Variants in PIBF1 observed in about 807,000 individuals in gnomAD.
PIBF1 encodes the protein progesterone immunomodulatory binding factor 1.
A neutral mutation model predicts 112.5 loss-of-function variants in PIBF1; 90 were observed. The ratio of observed to expected loss-of-function variants is 0.80; its 90% confidence interval spans 0.67 to 0.95. The LOEUF is 0.95. PIBF1 is among the 40% of genes least tolerant of loss of function. The probability of loss-of-function intolerance (pLI) is 0.00; values close to 1 mark genes in which losing one functional copy is unlikely to be tolerated. For synonymous variants in PIBF1, 301 were observed against 288.6 expected (o/e 1.04, Z -0.44); for missense variants, 915 against 852.3 (o/e 1.07, Z -0.92).
At chr13:72,891,727 A>G (rs1177979961) in intron 10 of PIBF1, among the ~76,000 whole-genome samples, 1 of 152,140 alleles carries the variant, frequency 6.6e-6, no homozygotes, top group Non-Finnish European at 1.5e-5. Flanking sequence ...AGAGAAATGA[A>G]TTCATGTTTA....
At chr13:72,892,664 G>A (rs1342455107) in intron 10 of PIBF1, among the ~76,000 whole-genome samples, 5 of 151,874 alleles carry the variant, frequency 3.3e-5, no homozygotes, top group Non-Finnish European at 5.9e-5. Context: ...TAGTAGATCC[G>A]TTATAAGAAT....
At chr13:72,991,242 G>A (rs2043468542) in intron 16 of PIBF1, among the ~76,000 whole-genome samples, 1 of 152,050 alleles carries the variant, frequency 6.6e-6, no homozygotes, top group Non-Finnish European at 1.5e-5. Flanking sequence ...GGATTCAAAA[G>A]AACAGTTTAT....
At chr13:72,808,941 A>T (rs1439139695) in intron 5 of PIBF1, among the ~76,000 whole-genome samples, 1 of 152,198 alleles carries the variant, frequency 6.6e-6, no homozygotes, top group African/African-American at 2.4e-5. Flanking sequence ...TTTGTTAGGC[A>T]TATCTCTGAG....
At chr13:72,857,858 A>G (rs1369665912) in intron 10 of PIBF1, among the ~76,000 whole-genome samples, 1 of 152,186 alleles carries the variant, frequency 6.6e-6, no homozygotes, top group African/African-American at 2.4e-5. Flanking sequence ...AAACAAAAAC[A>G]AAAACAAACT....
intron 17 of PIBF1, among the ~76,000 whole-genome samples, chr13:72,999,282 G>T (rs1440839574): frequency 8.3e-6 from 1 of 120,630 alleles, no homozygotes; most frequent in Admixed American, 8.4e-5. Context: ...TAAAGAAAAA[G>T]AAATAAGAAA....
chr13:72,888,481 A>G (rs1278946690), intron 10 of PIBF1, among the ~76,000 whole-genome samples: 1 of 152,154 alleles, frequency 6.6e-6, no homozygotes, highest in African/African-American at 2.4e-5. Flanking sequence ...TTTTGACCCA[A>G]CAATTTCACT....
chr13:72,806,421 C>T (rs747060264), intron 5 of PIBF1, among the ~76,000 whole-genome samples: 49 of 151,526 alleles, frequency 3.2e-4, no homozygotes, highest in Non-Finnish European at 5.3e-4. Flanking sequence ...ATAGGCACAA[C>T]GTGCAGGTAG....
At chr13:72,909,997 A>T (rs746865993) in intron 12 of PIBF1, among the ~76,000 whole-genome samples, 8 of 152,198 alleles carry the variant, frequency 5.3e-5, no homozygotes. Context: ...TTCAAAAGTC[A>T]GATAACCATG....
rs116280854 is a variant in PIBF1, at chr13:73,000,588, A to C, written c.2223+1593A>C. Among the ~76,000 whole-genome samples, 262 of 152,332 alleles carry C rather than the reference A, an allele frequency of 1.7e-3. 1 individual carries two copies. Among genetic ancestry groups the C allele is most frequent in the African/African-American group, 5.7e-3 (237 of 41,570 alleles). On this transcript the variant is annotated intron_variant, in intron 17 of 17. Transcript: ENST00000326291. ...TGTGTCTATTATAATCTATAGGAAGAAAGCAGATTGAATACATACACATTA... is the reference window on the plus strand; with the variant it reads ...TGTGTCTATTATAATCTATAGGAAGCAAGCAGATTGAATACATACACATTA...
At chr13:72,981,270 TAAAA>T (rs1221846168) in intron 16 of PIBF1, among the ~76,000 whole-genome samples, 1 of 149,020 alleles carries the variant, frequency 6.7e-6, no homozygotes, top group African/African-American at 2.5e-5. Context: ...TAAAATAAAA[TAAAA>T]TAAATAAATA....
At chr13:72,919,906 C>G (rs544325852) in intron 13 of PIBF1, among the ~76,000 whole-genome samples, 1 of 151,980 alleles carries the variant, frequency 6.6e-6, no homozygotes, top group Non-Finnish European at 1.5e-5. Context: ...CTCAAGAGGT[C>G]GAGGCAGCAG....
intron 12 of PIBF1, among the ~76,000 whole-genome samples, chr13:72,915,130 T>C (rs1283367292): frequency 6.6e-6 from 1 of 152,190 alleles, no homozygotes; most frequent in East Asian, 1.9e-4. Flanking sequence ...TATGTGAAGG[T>C]GTAGATATGT....
chr13:72,832,577 A>G (rs1364275210), intron 8 of PIBF1, among the ~76,000 whole-genome samples: 1 of 152,192 alleles, frequency 6.6e-6, no homozygotes, highest in Non-Finnish European at 1.5e-5. Flanking sequence ...TTTCTTTAAG[A>G]ATGTTGAATA....
In PIBF1 at chr13:72,927,964, T is replaced by TATATATAC. The variant is rs1555316879; in HGVS notation, c.1731-3194_1731-3193insCATATATA. 2.4e-3 allele frequency among the ~76,000 whole-genome samples: 199 copies of TATATATAC among 82,124 alleles called. 1 individual carries two copies. Among genetic ancestry groups the TATATATAC allele is most frequent in the African/African-American group, 0.011 (193 of 17,620 alleles). The allele number at this position is 82,124 out of a possible 152,430, so 53.9% of individuals were successfully genotyped here. ...ATGTGTGTATATATATATATACACA[T>TATATATAC]ATATATATATATACATATATATATA... On this transcript the variant is annotated intron_variant, in intron 13 of 17. Transcript: ENST00000326291.
chr13:72,976,783 A>G (rs1322075806), intron 16 of PIBF1, among the ~76,000 whole-genome samples: 1 of 152,224 alleles, frequency 6.6e-6, no homozygotes, highest in Admixed American at 6.5e-5. Context: ...ATGAAACAGG[A>G]TTGATTTATT....
intron 14 of PIBF1, among the ~76,000 whole-genome samples, chr13:72,950,323 AG>A (rs1335795207): frequency 6.6e-6 from 1 of 152,230 alleles, no homozygotes; most frequent in Non-Finnish European, 1.5e-5. Context: ...CTTCAAAAAA[AG>A]GTACCCCTCC....
intron 16 of PIBF1, among the ~76,000 whole-genome samples, chr13:72,989,818 C>T (rs1007415424): frequency 2.0e-5 from 3 of 152,112 alleles, no homozygotes; most frequent in Non-Finnish European, 2.9e-5. Flanking sequence ...AAAATATTGA[C>T]AAAATGTTGA....
intron 14 of PIBF1, among the ~76,000 whole-genome samples, chr13:72,963,038 G>A (rs1164400213): frequency 6.6e-6 from 1 of 152,140 alleles, no homozygotes; most frequent in Admixed American, 6.5e-5. Context: ...ATGGAGAAAA[G>A]CCAGTCTTTT....
chr13:72,936,035 A>T (rs868107274), intron 14 of PIBF1, among the ~76,000 whole-genome samples: 3 of 123,318 alleles, frequency 2.4e-5, no homozygotes, highest in Non-Finnish European at 3.7e-5. Flanking sequence ...TTTATTTATT[A>T]TTTATTTTTA....
Sources: gnomAD v4.1 joint callset for allele counts (sites outside exome capture counted in the v4.1 genomes callset) on GRCh38, gnomAD v4.1.1 for gene constraint, MANE v1.5 for transcripts, NCBI Gene and HGNC (gene_info 2026-07-23, HGNC 2026-07-21) for gene names.